BEND3: variants seen among roughly 807,000 people sequenced by gnomAD.
The protein encoded by BEND3 is BEN domain-containing protein 3.
Under a neutral mutation model 60.1 loss-of-function variants are expected in BEND3, and 13 were observed. That is an observed-to-expected ratio of 0.22 (90% CI 0.14 to 0.34). The LOEUF is 0.34. Among genes scored for constraint, BEND3 ranks in the 10% least tolerant of loss-of-function variants. The pLI is 1.00. For synonymous variants in BEND3, 497 were observed against 491.5 expected (o/e 1.01, Z -0.15); for missense variants, 896 against 1,138.1 (o/e 0.79, Z 3.06).
At chr6:107,100,617 G>GCTCTGTTCC (rs1775684148) in intron 1 of BEND3, among the ~76,000 whole-genome samples, 2 of 152,126 alleles carry the variant, frequency 1.3e-5, no homozygotes, top group Non-Finnish European at 2.9e-5. Context: ...TGCAGGGTCT[G>GCTCTGTTCC]AAGCAAAACC....
chr6:107,103,071 G>A lies in BEND3; in HGVS notation c.-11-3775C>T, dbSNP rs1465924798. Among the ~76,000 whole-genome samples, 6 of 152,286 alleles carry A rather than the reference G, an allele frequency of 3.9e-5. No homozygotes were observed. In the East Asian group the frequency reaches 9.6e-4, roughly 24 times the overall value. ...GAGTCCCTCTGTCCAACAGCACCAG[G>A]AAACCACATCTCCTTCTGCCTCCAT... On this transcript the variant is annotated intron_variant, in intron 1 of 3. Coordinates refer to ENST00000369042, the MANE Select transcript of BEND3 (RefSeq NM_001367314.1).
intron 3 of BEND3, among the ~76,000 whole-genome samples, chr6:107,080,439 C>T (rs1160161084): frequency 3.3e-5 from 5 of 151,512 alleles, no homozygotes; most frequent in Non-Finnish European, 7.4e-5. Flanking sequence ...TACATACACC[C>T]CACCCTACTC....
chr6:107,109,776 A>G (rs1288191699), intron 1 of BEND3, among the ~76,000 whole-genome samples: 2 of 152,048 alleles, frequency 1.3e-5, no homozygotes, highest in Non-Finnish European at 2.9e-5. Context: ...CAGGAGGCTG[A>G]GGCAGGAGAA....
At chr6:107,109,455 A>AAAAAAAATAAAT in intron 1 of BEND3, among the ~76,000 whole-genome samples, 1 of 149,234 alleles carries the variant, frequency 6.7e-6, no homozygotes, top group East Asian at 2.0e-4. Flanking sequence ...AAAAAAAAAA[A>AAAAAAAATAAAT]AAATCGAGGT....
chr6:107,079,433 T>C (rs370037894), intron 3 of BEND3, among the ~76,000 whole-genome samples: 12 of 152,300 alleles, frequency 7.9e-5, no homozygotes, highest in African/African-American at 2.9e-4. Context: ...AGCTGGTTAA[T>C]ACAAGCTGCC....
intron 3 of BEND3, among the ~76,000 whole-genome samples, chr6:107,073,142 G>A (rs563048925): frequency 6.2e-5 from 9 of 144,618 alleles, no homozygotes; most frequent in South Asian, 4.4e-4. Flanking sequence ...AAAGGGACTC[G>A]TAAGTGCATT....
At chr6:107,111,820 A>G (rs1179936451) in intron 1 of BEND3, among the ~76,000 whole-genome samples, 1 of 151,948 alleles carries the variant, frequency 6.6e-6, no homozygotes, top group Non-Finnish European at 1.5e-5. Context: ...CATCTCTACT[A>G]AAAATACAAA....
At chr6:107,080,243 C>G (rs1554233327) in intron 3 of BEND3, among the ~76,000 whole-genome samples, 1 of 150,848 alleles carries the variant, frequency 6.6e-6, no homozygotes, top group Non-Finnish European at 1.5e-5. Context: ...CAAAAATTAG[C>G]CACTGGGAGG....
At chr6:107,101,363 T>C (rs1582668020) in intron 1 of BEND3, among the ~76,000 whole-genome samples, 1 of 152,192 alleles carries the variant, frequency 6.6e-6, no homozygotes, top group South Asian at 2.1e-4. Context: ...GTCTGGGTGA[T>C]CCATGAGCAC....
chr6:107,078,364 G>A (rs1775142554), intron 3 of BEND3, among the ~76,000 whole-genome samples: 1 of 151,798 alleles, frequency 6.6e-6, no homozygotes, highest in South Asian at 2.1e-4. Flanking sequence ...TCCCTTGATG[G>A]TGCCATGCTG....
At chr6:107,089,555 C>CA (rs1206510314) in intron 3 of BEND3, among the ~76,000 whole-genome samples, 2 of 146,796 alleles carry the variant, frequency 1.4e-5, no homozygotes, top group Non-Finnish European at 3.0e-5. Context: ...CACTGCACTC[C>CA]AGCCTGGGCG....
chr6:107,100,885 G>A (rs1223884784), intron 1 of BEND3, among the ~76,000 whole-genome samples: 5 of 152,158 alleles, frequency 3.3e-5, no homozygotes, highest in African/African-American at 1.2e-4. Flanking sequence ...GATGAGTGGA[G>A]AGCAGGACCA....
At chr6:107,077,210 A>G (rs1024399087) in intron 3 of BEND3, among the ~76,000 whole-genome samples, 1 of 152,140 alleles carries the variant, frequency 6.6e-6, no homozygotes. Context: ...AGCTCCAGTA[A>G]TCGGCCCACC....
intron 1 of BEND3, among the ~76,000 whole-genome samples, chr6:107,109,633 G>A (rs1775899068): frequency 6.6e-6 from 1 of 151,844 alleles, no homozygotes; most frequent in Non-Finnish European, 1.5e-5. Flanking sequence ...CAGCACTTTG[G>A]GAGGCTGAGG....
chr6:107,093,996 G>C (rs1554235608), intron 3 of BEND3, among the ~76,000 whole-genome samples: 1 of 152,136 alleles, frequency 6.6e-6, no homozygotes, highest in African/African-American at 2.4e-5. Flanking sequence ...CCTGATAAAG[G>C]ACTATTAATC....
intron 3 of BEND3, among the ~76,000 whole-genome samples, chr6:107,080,364 A>AC (rs1439537768): frequency 6.8e-6 from 1 of 147,720 alleles, no homozygotes; most frequent in African/African-American, 2.6e-5. Flanking sequence ...CAAAAAAAAA[A>AC]AAAAAAAAAA....
chr6:107,073,870 A>C (rs1775043838), intron 3 of BEND3, among the ~76,000 whole-genome samples: 1 of 152,106 alleles, frequency 6.6e-6, no homozygotes, highest in Non-Finnish European at 1.5e-5. Flanking sequence ...TGGGCAACAG[A>C]GCAAGACCCT....
rs140696743 is a variant in BEND3 at position 107,084,992 on chromosome 6, C to T, written c.240+13559G>A. On this transcript the variant is annotated intron_variant, in intron 3 of 3. Coordinates refer to ENST00000369042, the MANE Select transcript of BEND3 (RefSeq NM_001367314.1). ...GCTCTTCACAATAAATCTTGCTGCT[C>T]CTCACTCTTTGGGTCTGCAGTACCT... Among the ~76,000 whole-genome samples, 375 of 152,336 alleles carry T rather than the reference C, an allele frequency of 2.5e-3. 2 individuals are homozygous for T. Among genetic ancestry groups the T allele is most frequent in the African/African-American group, 8.8e-3 (365 of 41,570 alleles).
chr6:107,081,474 G>A (rs1554233545), intron 3 of BEND3, among the ~76,000 whole-genome samples: 1 of 142,376 alleles, frequency 7.0e-6, no homozygotes, highest in Non-Finnish European at 1.5e-5. Context: ...CACCCGCCTC[G>A]GCCTCCCAAA....
Sources: gnomAD v4.1 joint callset for allele counts (sites outside exome capture counted in the v4.1 genomes callset) on GRCh38, gnomAD v4.1.1 for gene constraint, MANE v1.5 for transcripts, NCBI Gene and HGNC (gene_info 2026-07-23, HGNC 2026-07-21) for gene names.